Variants in NR6A1 observed in about 807,000 individuals in gnomAD.
NR6A1 encodes the protein retinoic acid receptor-related testis-associated receptor.
Under a neutral mutation model 59.1 loss-of-function variants are expected in NR6A1, and 7 were observed. The observed-to-expected ratio is 0.12, with a 90% CI of 0.07 to 0.22. The LOEUF is 0.22. Ranked by LOEUF, NR6A1 falls within the 10% of genes least tolerant of loss-of-function variation. NR6A1 has a pLI of 1.00. For missense variants in NR6A1, 468 were observed against 611.6 expected (o/e 0.77, Z 2.48); for synonymous variants, 243 against 236.1 (o/e 1.03, Z -0.27).
intron 2 of NR6A1, among the ~76,000 whole-genome samples, chr9:124,687,525 T>C (rs1432476227): frequency 2.0e-5 from 3 of 152,178 alleles, no homozygotes; most frequent in Admixed American, 6.5e-5. Flanking sequence ...TTTCTAATTC[T>C]ACCTCTCAAC....
At chr9:124,765,377 G>C (rs1033021463) in intron 1 of NR6A1, among the ~76,000 whole-genome samples, 6 of 152,024 alleles carry the variant, frequency 3.9e-5, no homozygotes, top group Non-Finnish European at 8.8e-5. Flanking sequence ...AATTTTTAAA[G>C]CAAAAAAATT....
At chr9:124,569,259 T>C (rs1834368400) in intron 2 of NR6A1, among the ~76,000 whole-genome samples, 1 of 152,266 alleles carries the variant, frequency 6.6e-6, no homozygotes, top group South Asian at 2.1e-4. Context: ...ACCCTCCCCT[T>C]CTAGCAATCG....
chr9:124,691,003 G>A (rs1219857513), intron 2 of NR6A1, among the ~76,000 whole-genome samples: 1 of 152,110 alleles, frequency 6.6e-6, no homozygotes, highest in Non-Finnish European at 1.5e-5. Flanking sequence ...TATTTTGTAA[G>A]CATCTAAAGG....
At chr9:124,533,018 A>G (rs1304772286) in intron 7 of NR6A1, among the ~76,000 whole-genome samples, 1 of 152,202 alleles carries the variant, frequency 6.6e-6, no homozygotes, top group Non-Finnish European at 1.5e-5. Context: ...GGGACTGGCT[A>G]CAGTGAGATG....
At chr9:124,753,611 G>C (rs1046987906) in intron 1 of NR6A1, among the ~76,000 whole-genome samples, 2 of 152,190 alleles carry the variant, frequency 1.3e-5, no homozygotes, top group African/African-American at 2.4e-5. Flanking sequence ...CCTATCCAAA[G>C]AAAAGTTATG....
chr9:124,745,900 A>G (rs1165716855), intron 1 of NR6A1, among the ~76,000 whole-genome samples: 1 of 149,404 alleles, frequency 6.7e-6, no homozygotes, highest in Non-Finnish European at 1.5e-5. Context: ...GGCAGGGAGA[A>G]CTGCTTGAAT....
intron 2 of NR6A1, among the ~76,000 whole-genome samples, chr9:124,672,718 G>A (rs1367783490): frequency 6.6e-6 from 1 of 152,078 alleles, no homozygotes; most frequent in Non-Finnish European, 1.5e-5. Flanking sequence ...GAATTTGAGT[G>A]TTCCATTTGT....
chr9:124,732,643 C>T (rs1839917778), intron 2 of NR6A1, among the ~76,000 whole-genome samples: 1 of 151,806 alleles, frequency 6.6e-6, no homozygotes, highest in African/African-American at 2.4e-5. Flanking sequence ...ACTATCAATA[C>T]TTTAGAAGTG....
chr9:124,664,608 T>TG lies in NR6A1; in HGVS notation c.142+68699_142+68700insC. Among the ~76,000 whole-genome samples the TG allele has an allele frequency of 1.3e-5, 2 of 152,140 alleles. 1 individual carries two copies. The highest frequency in any genetic ancestry group is 4.2e-4 in the South Asian group (2 of 4,816). ...CGGATTAGACAGATAAATAAATAGATAATGAATGAATGGATGAATGAATGA... is the reference window on the plus strand; with the variant it reads ...CGGATTAGACAGATAAATAAATAGATGAATGAATGAATGGATGAATGAATGA... On this transcript the variant is annotated intron_variant, in intron 2 of 9. Coordinates refer to ENST00000487099, the MANE Select transcript of NR6A1 (RefSeq NM_033334.4).
chr9:124,722,272 G>T (rs1315385010), intron 2 of NR6A1, among the ~76,000 whole-genome samples: 1 of 152,210 alleles, frequency 6.6e-6, no homozygotes, highest in Admixed American at 6.5e-5. Flanking sequence ...TACGCAAAGT[G>T]CCTGGCACAC....
At chr9:124,528,619 T>A (rs994400647) in intron 7 of NR6A1, among the ~76,000 whole-genome samples, 1 of 151,978 alleles carries the variant, frequency 6.6e-6, no homozygotes, top group Non-Finnish European at 1.5e-5. Flanking sequence ...GAGGATCACC[T>A]GAGCGTGGGA....
At chr9:124,700,296 G>T (rs1838899899) in intron 2 of NR6A1, among the ~76,000 whole-genome samples, 2 of 152,080 alleles carry the variant, frequency 1.3e-5, no homozygotes, top group Non-Finnish European at 1.5e-5. Flanking sequence ...CCAGGTTCAA[G>T]TGATTCTCCC....
chr9:124,528,372 AACAAT>A (rs1220666952), intron 7 of NR6A1, among the ~76,000 whole-genome samples: 1 of 152,124 alleles, frequency 6.6e-6, no homozygotes, highest in African/African-American at 2.4e-5. Flanking sequence ...TTTTTTACAA[AACAAT>A]ACAACAATAA....
chr9:124,635,688 C>T lies in NR6A1; in HGVS notation c.143-81118G>A, dbSNP rs772630335. On this transcript the variant is annotated intron_variant, in intron 2 of 9. Coordinates refer to ENST00000487099, the MANE Select transcript of NR6A1 (RefSeq NM_033334.4). Reference sequence around the variant, plus strand: ...CATCTAAGTCTCCTCTATGTCTCTTCGTGACATGACAGCATATTTCTTTTT... The same window carrying T: ...CATCTAAGTCTCCTCTATGTCTCTTTGTGACATGACAGCATATTTCTTTTT... 2.0e-5 allele frequency among the ~76,000 whole-genome samples: 3 copies of T among 152,294 alleles called. No homozygotes were observed. The South Asian group carries it at 6.2e-4, about 32-fold the overall frequency.
chr9:124,537,670 C>T (rs961159888), intron 6 of NR6A1, among the ~76,000 whole-genome samples: 40 of 152,158 alleles, frequency 2.6e-4, no homozygotes, highest in African/African-American at 8.7e-4. Context: ...TGGTCACATG[C>T]CACCAGGCTA....
intron 2 of NR6A1, among the ~76,000 whole-genome samples, chr9:124,583,005 G>C (rs1365205028): frequency 1.3e-5 from 2 of 152,078 alleles, no homozygotes; most frequent in African/African-American, 4.8e-5. Flanking sequence ...TATGCTAATT[G>C]TACAATGAAG....
In NR6A1 at chr9:124,651,768, A is replaced by T. The variant is rs559012848; in HGVS notation, c.142+81540T>A. On this transcript the variant is annotated intron_variant, in intron 2 of 9. Transcript: ENST00000487099. Reference sequence around the variant, plus strand: ...TTAATTATACAATCAAAGCATTAACACCGGACTAGTCTCTTTTGCAAAGAA... The same window carrying T: ...TTAATTATACAATCAAAGCATTAACTCCGGACTAGTCTCTTTTGCAAAGAA... 1.2e-3 allele frequency among the ~76,000 whole-genome samples: 177 copies of T among 152,288 alleles called. 1 individual carries two copies. The highest frequency in any genetic ancestry group is 3.9e-3 in the African/African-American group (162 of 41,548).
rs1431886471 is a variant in NR6A1, at chr9:124,604,987, TGAAATAATAGA to T, written c.143-50428_143-50418del. Among the ~76,000 whole-genome samples, 571 of 152,164 alleles carry T rather than the reference TGAAATAATAGA, an allele frequency of 3.8e-3. 1 individual carries two copies. Among genetic ancestry groups the T allele is most frequent in the African/African-American group, 0.013 (534 of 41,502 alleles). On this transcript the variant is annotated intron_variant, in intron 2 of 9. Transcript: ENST00000487099. ...AAATACTGGAATTAGAATAACACCG[TGAAATAATAGA>T]TCCTAGATACCAATCATCAAACGCT...
intron 1 of NR6A1, among the ~76,000 whole-genome samples, chr9:124,735,108 T>C (rs959966149): frequency 1.3e-5 from 2 of 152,222 alleles, no homozygotes; most frequent in African/African-American, 4.8e-5. Context: ...CCTCCCAAAG[T>C]GCTGGGATTA....
Sources: allele counts gnomAD v4.1 joint callset (sites outside exome capture counted in the v4.1 genomes callset), GRCh38; gene constraint gnomAD v4.1.1; transcripts MANE v1.5; gene names NCBI Gene and HGNC (gene_info 2026-07-23, HGNC 2026-07-21).